C8orf90: variants seen among roughly 807,000 people sequenced by gnomAD.
C8orf90 encodes the protein uncharacterized protein C8orf90.
At chr8:141,517,917 C>A in the C8orf90 span, among the ~76,000 whole-genome samples, 1 of 152,214 alleles carries the variant, frequency 6.6e-6, no homozygotes, top group Non-Finnish European at 1.5e-5. Context: ...AAGTCTGCAG[C>A]CTCCTCGCCA....
chr8:141,517,550 C>T, the C8orf90 span, among the ~76,000 whole-genome samples: 1 of 152,184 alleles, frequency 6.6e-6, no homozygotes, highest in Non-Finnish European at 1.5e-5. Flanking sequence ...AAACCAAACT[C>T]CTCTTCCACC....
the C8orf90 span, chr8:141,518,622 G>T: frequency 2.0e-6 from 1 of 505,094 alleles, no homozygotes; most frequent in South Asian, 2.9e-5. Context: ...CCCCGCCGCC[G>T]CCTTCCCGGA....
chr8:141,517,128 T>C, the C8orf90 span, among the ~76,000 whole-genome samples: 1 of 152,242 alleles, frequency 6.6e-6, no homozygotes, highest in Non-Finnish European at 1.5e-5. Context: ...CAGCTTGGCA[T>C]CTGTGTATGA....
the C8orf90 span, chr8:141,518,168 C>T: frequency 2.8e-5 from 15 of 535,294 alleles, no homozygotes; most frequent in Admixed American, 4.2e-5. Flanking sequence ...CGGGCCGCTC[C>T]CGGCCCTCCC....
At chr8:141,517,588 C>T in the C8orf90 span, among the ~76,000 whole-genome samples, 1 of 152,192 alleles carries the variant, frequency 6.6e-6, no homozygotes, top group Non-Finnish European at 1.5e-5. Flanking sequence ...CCGCACCTCC[C>T]TCTGGATTCC....
chr8:141,517,077 G>A, the C8orf90 span, among the ~76,000 whole-genome samples: 1 of 152,216 alleles, frequency 6.6e-6, no homozygotes, highest in Admixed American at 6.5e-5. Context: ...CTTGAGCCGG[G>A]GGCGTGGCAT....
the C8orf90 span, chr8:141,518,402 ACCCCG>A: frequency 1.5e-6 from 1 of 664,056 alleles, no homozygotes; most frequent in Non-Finnish European, 2.7e-6. Context: ...CCGGGGTCCG[ACCCCG>A]CCTGCGGGCC....
At chr8:141,517,654 C>T in the C8orf90 span, among the ~76,000 whole-genome samples, 1 of 152,244 alleles carries the variant, frequency 6.6e-6, no homozygotes, top group African/African-American at 2.4e-5. Flanking sequence ...TCCTCCCTGT[C>T]TCTGTCTACA....
the C8orf90 span, chr8:141,514,895 G>C: frequency 1.6e-6 from 1 of 621,226 alleles, no homozygotes; most frequent in South Asian, 1.9e-5. Context: ...GGTCATGAAG[G>C]AGAGTGGCAG....
chr8:141,517,621 C>G, the C8orf90 span, among the ~76,000 whole-genome samples: 1 of 152,322 alleles, frequency 6.6e-6, no homozygotes, highest in Admixed American at 6.5e-5. Flanking sequence ...GTCCAGGCTG[C>G]GAGCCAGGCT....
chr8:141,514,838 A>G, the C8orf90 span: 1 of 685,840 alleles, frequency 1.5e-6, no homozygotes, highest in Admixed American at 2.1e-5. Context: ...ATGTGGGAGC[A>G]GGAAGCGGCC....
the C8orf90 span, among the ~76,000 whole-genome samples, chr8:141,515,050 C>T: frequency 6.6e-6 from 1 of 151,820 alleles, no homozygotes; most frequent in Non-Finnish European, 1.5e-5. Flanking sequence ...GATCTATGGA[C>T]CTGGAGGTGT....
the C8orf90 span, chr8:141,514,727 C>T: frequency 1.4e-6 from 1 of 701,802 alleles, no homozygotes; most frequent in South Asian, 1.5e-5. Flanking sequence ...GACCCCCAGC[C>T]CAGCAGGTCT....
chr8:141,518,528 T>C, the C8orf90 span: 1 of 535,826 alleles, frequency 1.9e-6, no homozygotes, highest in Non-Finnish European at 3.2e-6. Flanking sequence ...CAGGCAGCGA[T>C]GCGCAAGCGG....
the C8orf90 span, among the ~76,000 whole-genome samples, chr8:141,517,075 G>A: frequency 5.3e-5 from 8 of 152,208 alleles, no homozygotes; most frequent in Admixed American, 3.9e-4. Context: ...CCCTTGAGCC[G>A]GGGGCGTGGC....
the C8orf90 span, chr8:141,518,227 C>T: frequency 1.8e-5 from 11 of 600,610 alleles, no homozygotes; most frequent in South Asian, 1.8e-4. Context: ...TCCCGCGGCG[C>T]CCCCGGAGCC....
At chr8:141,516,102 G>A in the C8orf90 span, among the ~76,000 whole-genome samples, 223 of 152,240 alleles carry the variant, frequency 1.5e-3, 1 homozygote, top group African/African-American at 4.9e-3. Context: ...CCCAGCCAAA[G>A]GCAGCATTCA....
the C8orf90 span, among the ~76,000 whole-genome samples, chr8:141,517,878 G>T: frequency 3.2e-4 from 49 of 152,144 alleles, no homozygotes; most frequent in Non-Finnish European, 6.5e-4. Flanking sequence ...TCCTAAGCTC[G>T]CTCAGTCCCC....
the C8orf90 span, among the ~76,000 whole-genome samples, chr8:141,517,960 A>G: frequency 6.6e-6 from 1 of 152,092 alleles, no homozygotes; most frequent in Non-Finnish European, 1.5e-5. Flanking sequence ...GTACTTAGTG[A>G]GCATCCCCTT....
Sources: allele counts gnomAD v4.1 joint callset (sites outside exome capture counted in the v4.1 genomes callset), GRCh38; gene constraint gnomAD v4.1.1; transcripts MANE v1.5; gene names NCBI Gene and HGNC (gene_info 2026-07-23, HGNC 2026-07-21).